The following ARPP21 variants were observed in gnomAD, a reference collection of about 807,000 sequenced individuals.
The protein encoded by ARPP21 is cAMP regulated phosphoprotein 21.
A neutral mutation model predicts 113.2 loss-of-function variants in ARPP21; 69 were observed. The observed-to-expected ratio is 0.61, with a 90% confidence interval of 0.50 to 0.74. ARPP21 has a LOEUF of 0.74. ARPP21 is among the 30% of genes least tolerant of loss of function. The pLI is 0.00. For synonymous variants in ARPP21, 368 were observed against 375.5 expected, an observed-to-expected ratio of 0.98 and a Z score of 0.23; for missense variants, 1,070 against 1,037.4, an observed-to-expected ratio of 1.03 and a Z score of -0.43.
chr3:35,671,187 TCC>T (rs1316216185), intron 1 of ARPP21, among the ~76,000 whole-genome samples: 54 of 152,234 alleles, frequency 3.5e-4, no homozygotes, highest in African/African-American at 1.2e-3. Context: ...GCACTTGAGG[TCC>T]TGAACATGGA....
In ARPP21 at chr3:35,661,388, A is replaced by G. The variant is rs929264328; in HGVS notation, c.-212-18399A>G. Among the ~76,000 whole-genome samples, 107 of 130,904 alleles carry G rather than the reference A, an allele frequency of 8.2e-4. 1 individual carries two copies. Among genetic ancestry groups the G allele is most frequent in the Admixed American group, 6.0e-3 (77 of 12,848 alleles). 85.9% of individuals were successfully genotyped at this position (130,904 alleles called of 152,430 possible). ...AGAAATGGCAAACAATGGGACAAAA[A>G]GAGGAAAAGAGATAAAGTGACTCTG... On this transcript the variant is annotated intron_variant, in intron 1 of 20. Coordinates refer to ENST00000684406, the MANE Select transcript of ARPP21 (RefSeq NM_001385562.1).
chr3:35,644,828 C>G (rs570504205), intron 1 of ARPP21, among the ~76,000 whole-genome samples: 3 of 151,846 alleles, frequency 2.0e-5, no homozygotes, highest in Non-Finnish European at 4.4e-5. Flanking sequence ...TCCATGGTCA[C>G]AGTAGATCAA....
At chr3:35,685,790 A>G (rs1399456490) in intron 5 of ARPP21, 2 of 888,366 alleles carry the variant, frequency 2.3e-6, no homozygotes, top group Non-Finnish European at 2.7e-6. Flanking sequence ...GTTGTTGGAT[A>G]TAAACTTATC....
At chr3:35,768,129 TGTGTGTGTG>T (rs1184533305) in intron 19 of ARPP21, among the ~76,000 whole-genome samples, 4 of 131,648 alleles carry the variant, frequency 3.0e-5, no homozygotes, top group Non-Finnish European at 6.4e-5. Context: ...TGTGTGTGTG[TGTGTGTGTG>T]TTTGCATGAT....
At chr3:35,738,470 G>A (rs565896169) in intron 17 of ARPP21, among the ~76,000 whole-genome samples, 152 bp downstream of exon 17, 2 of 152,308 alleles carry the variant, frequency 1.3e-5, no homozygotes, top group East Asian at 3.9e-4. Flanking sequence ...GAACATTACA[G>A]CCCATCTCTG....
At chr3:35,682,100 A>G (rs1271161005) in intron 3 of ARPP21, among the ~76,000 whole-genome samples, 1 of 151,798 alleles carries the variant, frequency 6.6e-6, no homozygotes, top group Non-Finnish European at 1.5e-5. Flanking sequence ...GAAAGTATTT[A>G]TTTTCTGAAT....
chr3:35,732,905 A>G (rs770331535), intron 15 of ARPP21, among the ~76,000 whole-genome samples: 8 of 152,098 alleles, frequency 5.3e-5, no homozygotes, highest in Non-Finnish European at 1.2e-4. Flanking sequence ...ATGAATCATG[A>G]ATTTTGTGTT....
chr3:35,685,521 T>C (rs1334730135), intron 5 of ARPP21: 2 of 985,184 alleles, frequency 2.0e-6, no homozygotes, highest in Non-Finnish European at 2.4e-6. Flanking sequence ...TTACAAAATG[T>C]GCGGACTGAA....
intron 1 of ARPP21, among the ~76,000 whole-genome samples, chr3:35,649,107 T>C (rs1340880345): frequency 6.6e-6 from 1 of 152,218 alleles, no homozygotes; most frequent in Non-Finnish European, 1.5e-5. Context: ...AGTGCTTGCA[T>C]GTGGCAGATA....
intron 1 of ARPP21, among the ~76,000 whole-genome samples, chr3:35,645,772 A>T (rs1372402980): frequency 6.6e-6 from 1 of 152,000 alleles, no homozygotes; most frequent in Non-Finnish European, 1.5e-5. Flanking sequence ...AAACAGAAAC[A>T]AGAGAAGTGG....
At chr3:35,640,636 G>A (rs1667091406) in intron 1 of ARPP21, among the ~76,000 whole-genome samples, 1 of 152,160 alleles carries the variant, frequency 6.6e-6, no homozygotes, top group South Asian at 2.1e-4. Flanking sequence ...CTGGAAGTTG[G>A]CAATGATTTT....
At chr3:35,669,676 G>A (rs1192002965) in intron 1 of ARPP21, among the ~76,000 whole-genome samples, 1 of 152,046 alleles carries the variant, frequency 6.6e-6, no homozygotes, top group Non-Finnish European at 1.5e-5. Context: ...CCAAGTGGGT[G>A]GGTTAACTTC....
At chr3:35,729,649 G>GT in intron 15 of ARPP21, 113 bp downstream of exon 15, 1 of 911,030 alleles carries the variant, frequency 1.1e-6, no homozygotes, top group South Asian at 1.6e-5. Flanking sequence ...AGGAAAGCTA[G>GT]TTGCATGAAC....
intron 1 of ARPP21, among the ~76,000 whole-genome samples, chr3:35,663,653 T>C (rs1476389622): frequency 6.6e-5 from 10 of 152,084 alleles, no homozygotes; most frequent in Admixed American, 6.6e-4. Context: ...TGTTTGAAGG[T>C]AGGAACATCT....
chr3:35,655,382 A>G (rs1704376255), intron 1 of ARPP21, among the ~76,000 whole-genome samples: 1 of 151,834 alleles, frequency 6.6e-6, no homozygotes, highest in Admixed American at 6.6e-5. Context: ...CACTTTTTTC[A>G]TTGCTAATAA....
chr3:35,780,233 G>A (rs142307339), intron 19 of ARPP21, among the ~76,000 whole-genome samples: 220 of 152,280 alleles, frequency 1.4e-3, no homozygotes, highest in African/African-American at 4.5e-3. Context: ...TGTTCTTGAG[G>A]CACTGCATGT....
intron 1 of ARPP21, among the ~76,000 whole-genome samples, chr3:35,677,511 A>C (rs935732929): frequency 6.6e-6 from 1 of 151,992 alleles, no homozygotes; most frequent in African/African-American, 2.4e-5. Context: ...CATGGTAAAT[A>C]GTTTACAGCA....
chr3:35,767,204 A>G (rs1359281874), intron 19 of ARPP21, among the ~76,000 whole-genome samples: 2 of 152,182 alleles, frequency 1.3e-5, no homozygotes, highest in Non-Finnish European at 2.9e-5. Context: ...ATTTTTGGCC[A>G]TAGTGATCTC....
chr3:35,770,796 T>A (rs1337239387), intron 19 of ARPP21, among the ~76,000 whole-genome samples: 1 of 152,230 alleles, frequency 6.6e-6, no homozygotes, highest in Non-Finnish European at 1.5e-5. Flanking sequence ...GTTTGTGTCA[T>A]TTATGATTTA....
Sources: allele counts gnomAD v4.1 joint callset (sites outside exome capture counted in the v4.1 genomes callset), GRCh38; gene constraint gnomAD v4.1.1; transcripts MANE v1.5; gene names NCBI Gene and HGNC (gene_info 2026-07-23, HGNC 2026-07-21).